The following URI1 variants were observed in gnomAD, a reference collection of about 807,000 sequenced individuals.
URI1 encodes the protein unconventional prefoldin RPB5 interactor 1.
URI1 carries 39 observed loss-of-function variants against 60.2 expected under a neutral mutation model. The observed-to-expected ratio is 0.65, with a 90% CI of 0.50 to 0.85. The LOEUF (loss-of-function observed/expected upper bound fraction) is 0.85, where lower values mean the gene tolerates loss of function less well. Ranked by LOEUF, URI1 falls within the 40% of genes least tolerant of loss-of-function variation. The probability of loss-of-function intolerance (pLI) is 0.00; values close to 1 mark genes in which losing one functional copy is unlikely to be tolerated. For missense variants in URI1, 691 were observed against 665.9 expected (o/e 1.04, Z -0.42); for synonymous variants, 251 against 236.8 (o/e 1.06, Z -0.55).
intron 2 of URI1, among the ~76,000 whole-genome samples, chr19:29,972,390 C>T (rs574708694): frequency 3.9e-5 from 6 of 152,116 alleles, no homozygotes; most frequent in African/African-American, 1.2e-4. Flanking sequence ...AAATACAAGT[C>T]GTTGGCCAAA....
intron 1 of URI1, among the ~76,000 whole-genome samples, chr19:29,930,179 T>G (rs909473392): frequency 6.6e-6 from 1 of 152,154 alleles, no homozygotes; most frequent in Non-Finnish European, 1.5e-5. Context: ...CCTCAAGTGA[T>G]CTGCCCACCT....
At chr19:29,998,742 T>G (rs78851682) in intron 4 of URI1, among the ~76,000 whole-genome samples, 2 of 152,116 alleles carry the variant, frequency 1.3e-5, no homozygotes, top group African/African-American at 4.8e-5. Flanking sequence ...AGTTGGATCC[T>G]TTTTTTAAAA....
intron 2 of URI1, among the ~76,000 whole-genome samples, chr19:29,974,497 C>T (rs1171662618): frequency 6.6e-6 from 1 of 152,150 alleles, no homozygotes; most frequent in Non-Finnish European, 1.5e-5. Context: ...CTCATGTACT[C>T]ATCAGTCGGC....
upstream of URI1, chr19:29,942,187 G>A: frequency 2.0e-6 from 2 of 982,270 alleles, no homozygotes; most frequent in Non-Finnish European, 2.4e-6. Context: ...AGCTGGGCGT[G>A]TCGGGGGCGG....
chr19:29,942,748 A>C (rs777855740), intron 1 of URI1, 84 bp downstream of exon 1: 26 of 1,274,600 alleles, frequency 2.0e-5, no homozygotes, highest in Middle Eastern at 2.9e-4. Context: ...CGCGTGGCCT[A>C]GGCCCAGCTG....
chr19:29,963,857 C>G (rs569147085), intron 1 of URI1, among the ~76,000 whole-genome samples: 1 of 152,284 alleles, frequency 6.6e-6, no homozygotes, highest in Non-Finnish European at 1.5e-5. Flanking sequence ...CATCTGGAAG[C>G]TTGATTTTGC....
At chr19:29,974,746 CCG>C (rs1461839820) in intron 2 of URI1, among the ~76,000 whole-genome samples, 3 of 152,176 alleles carry the variant, frequency 2.0e-5, no homozygotes, top group African/African-American at 7.2e-5. Flanking sequence ...CCCTTTCTCA[CCG>C]CTCTTGTATT....
chr19:29,944,140 C>CATATATATATATATATATATAT (rs56329506), intron 1 of URI1, among the ~76,000 whole-genome samples: 1 of 37,124 alleles, frequency 2.7e-5, no homozygotes, highest in Non-Finnish European at 8.5e-5. Flanking sequence ...CCCTGTCATT[C>CATATATATATATATATATATAT]ATATATATAT....
At chr19:29,924,192 G>A (rs189271963) in intron 1 of URI1, among the ~76,000 whole-genome samples, 2 of 152,222 alleles carry the variant, frequency 1.3e-5, no homozygotes, top group South Asian at 2.1e-4. Context: ...ACTGATTCGA[G>A]TACCAATCTC....
In URI1 at chr19:29,985,234, A is replaced by T; in HGVS notation, c.164A>T (p.Asp55Val). 1 of 1,601,668 alleles carries T rather than the reference A, an allele frequency of 6.2e-7. No individual in the cohort carries two copies. The highest frequency in any genetic ancestry group is 8.5e-7 in the Non-Finnish European group (1 of 1,172,802). Residue 55 changes from aspartate to valine, a missense_variant, in exon 3 of 11, where the codon GAT (aspartate) becomes GTT (valine). Physicochemically the swap from Asp to Val is radical, Grantham distance 152 (BLOSUM62 -3). Coordinates refer to ENST00000392271, the MANE Select transcript of URI1 (RefSeq NM_003796.3). ...QERIQHWKKV[D>V]NDYNALRERL... ...TTTTCTGTCAACAGGAAGAAGGTAGATAATGACTATAATGCCCTTCGAGAA... is the reference window on the plus strand; with the variant it reads ...TTTTCTGTCAACAGGAAGAAGGTAGTTAATGACTATAATGCCCTTCGAGAA...
intron 1 of URI1, among the ~76,000 whole-genome samples, chr19:29,952,857 T>C (rs1225074284): frequency 6.6e-6 from 1 of 152,216 alleles, no homozygotes; most frequent in African/African-American, 2.4e-5. Context: ...CATTAAGCAA[T>C]AACGCTGTCA....
chr19:29,979,104 A>C (rs1270825303), intron 2 of URI1, among the ~76,000 whole-genome samples: 1 of 152,210 alleles, frequency 6.6e-6, no homozygotes, highest in Non-Finnish European at 1.5e-5. Flanking sequence ...TTAGAAAGAA[A>C]ATATAGAAAG....
At chr19:29,974,369 T>C (rs1047401368) in intron 2 of URI1, among the ~76,000 whole-genome samples, 4 of 152,210 alleles carry the variant, frequency 2.6e-5, no homozygotes, top group Admixed American at 6.5e-5. Context: ...TTTTTTGTCA[T>C]GATGGAGAGA....
chr19:29,998,855 C>T (rs2055844337), intron 4 of URI1, among the ~76,000 whole-genome samples: 1 of 151,812 alleles, frequency 6.6e-6, no homozygotes, highest in South Asian at 2.1e-4. Flanking sequence ...TTGTTATTTT[C>T]TGCATGTTTT....
chr19:29,974,738 C>T (rs1352827512), intron 2 of URI1, among the ~76,000 whole-genome samples: 1 of 152,156 alleles, frequency 6.6e-6, no homozygotes, highest in Admixed American at 6.5e-5. Flanking sequence ...TGCCCCTGCC[C>T]TTTCTCACCG....
chr19:30,015,374 T>A lies in URI1; in HGVS notation c.*305T>A. ...GAATACTGTTCATATGCATTGTTTTTGTGTTTCAAACTAAATACAGGCAGT... is the reference window on the plus strand; with the variant it reads ...GAATACTGTTCATATGCATTGTTTTAGTGTTTCAAACTAAATACAGGCAGT... On this transcript the variant is annotated 3_prime_UTR_variant, in exon 11 of 11. Transcript: ENST00000392271. 1 of 1,432,852 alleles carries A rather than the reference T, an allele frequency of 7.0e-7. No homozygotes were observed. The highest frequency in any genetic ancestry group is 2.5e-5 in the East Asian group (1 of 40,002). 88.8% of individuals were successfully genotyped at this position (1,432,852 alleles called of 1,614,324 possible).
intron 1 of URI1, among the ~76,000 whole-genome samples, chr19:29,953,993 A>T (rs533213293): frequency 9.9e-5 from 15 of 152,224 alleles, no homozygotes; most frequent in Non-Finnish European, 2.1e-4. Context: ...AACTGGGTTC[A>T]ATGGACCCTG....
intron 2 of URI1, among the ~76,000 whole-genome samples, chr19:29,973,220 T>C (rs1196981052): frequency 1.3e-5 from 2 of 152,176 alleles, no homozygotes; most frequent in African/African-American, 2.4e-5. Flanking sequence ...AGTATTGTGC[T>C]GCTGTTTGGA....
intron 1 of URI1, among the ~76,000 whole-genome samples, chr19:29,944,154 TATATATATATATATATATATATATATATA>T (rs2055069836): frequency 2.0e-5 from 1 of 50,040 alleles, no homozygotes; most frequent in South Asian, 8.4e-4. Context: ...TATATATATA[TATATATATATATATATATATATATATATA>T]TATATATATA....
Sources: gnomAD v4.1 joint callset for allele counts (sites outside exome capture counted in the v4.1 genomes callset) on GRCh38, gnomAD v4.1.1 for gene constraint, MANE v1.5 for transcripts, NCBI Gene and HGNC (gene_info 2026-07-23, HGNC 2026-07-21) for gene names.